RAB10: variants seen among roughly 807,000 people sequenced by gnomAD.
RAB10 encodes the protein RAB10, member RAS oncogene family.
A neutral mutation model predicts 25.7 loss-of-function variants in RAB10; 5 were observed. That is an observed-to-expected ratio of 0.19 (90% CI 0.10 to 0.41). RAB10 has a LOEUF of 0.41. RAB10 is among the 10% of genes least tolerant of loss of function. The pLI is 1.00. For synonymous variants in RAB10, 89 were observed against 86.4 expected, an observed-to-expected ratio of 1.03 and a Z score of -0.16; for missense variants, 103 against 245.8, an observed-to-expected ratio of 0.42 and a Z score of 3.89.
At chr2:26,106,285 A>G (rs1325793397) in intron 2 of RAB10, among the ~76,000 whole-genome samples, 3 of 152,214 alleles carry the variant, frequency 2.0e-5, no homozygotes, top group African/African-American at 4.8e-5. Flanking sequence ...AGCTAAAACA[A>G]TTTGACAAAG....
chr2:26,132,169 C>T (rs972648988), intron 5 of RAB10, among the ~76,000 whole-genome samples: 1 of 152,228 alleles, frequency 6.6e-6, no homozygotes, highest in African/African-American at 2.4e-5. Flanking sequence ...AGTGGATTTA[C>T]AAGACTCAGA....
At chr2:26,038,199 G>GT (rs35621018) in intron 1 of RAB10, among the ~76,000 whole-genome samples, 3,455 of 127,560 alleles carry the variant, frequency 0.027, 71 homozygotes, top group African/African-American at 0.061. Context: ...TTGTTTGTTT[G>GT]TTTTTTTTTT....
intron 1 of RAB10, among the ~76,000 whole-genome samples, chr2:26,070,345 A>G (rs1666598460): frequency 6.6e-6 from 1 of 152,256 alleles, no homozygotes; most frequent in Non-Finnish European, 1.5e-5. Context: ...GTGAAGTAGT[A>G]TTAAATCTGG....
intron 1 of RAB10, among the ~76,000 whole-genome samples, chr2:26,048,056 T>A (rs913620121): frequency 2.0e-5 from 3 of 150,850 alleles, no homozygotes; most frequent in East Asian, 1.9e-4. Context: ...TTTTTTTTTT[T>A]AAATTGTTGA....
At chr2:26,129,155 A>G (rs1293602755) in intron 5 of RAB10, among the ~76,000 whole-genome samples, 1 of 151,806 alleles carries the variant, frequency 6.6e-6, no homozygotes, top group Non-Finnish European at 1.5e-5. Flanking sequence ...CTGTAATCCC[A>G]GCTTCTTGGG....
rs1665967984 is a variant in RAB10, at chr2:26,045,016, A to G, written c.127+10281A>G. ...TTTTGTTTTTTTTTTTTGGAGGGGCACGAATAGGTAAGTAACAAGTCTTAG... is the reference window on the plus strand; with the variant it reads ...TTTTGTTTTTTTTTTTTGGAGGGGCGCGAATAGGTAAGTAACAAGTCTTAG... On this transcript the variant is annotated intron_variant, in intron 1 of 5. Transcript: ENST00000264710. Among the ~76,000 whole-genome samples the G allele has an allele frequency of 1.2e-4, 18 of 150,902 alleles. 1 individual carries two copies. In the South Asian group the frequency reaches 3.8e-3, roughly 32 times the overall value.
chr2:26,078,911 C>T (rs1319147588), intron 1 of RAB10, among the ~76,000 whole-genome samples: 1 of 152,086 alleles, frequency 6.6e-6, no homozygotes, highest in East Asian at 1.9e-4. Flanking sequence ...TTGACTTGGC[C>T]AGGTGTGGTG....
At chr2:26,100,560 G>C (rs1667320916) in intron 2 of RAB10, among the ~76,000 whole-genome samples, 1 of 152,208 alleles carries the variant, frequency 6.6e-6, no homozygotes, top group African/African-American at 2.4e-5. Context: ...TGGGGAAGCT[G>C]TGTACTCTGG....
chr2:26,099,581 C>T (rs1477811124), intron 2 of RAB10, among the ~76,000 whole-genome samples: 1 of 120,850 alleles, frequency 8.3e-6, no homozygotes, highest in Admixed American at 1.2e-4. Flanking sequence ...CGCTCTGTCG[C>T]CCATGCTGGA....
intron 1 of RAB10, among the ~76,000 whole-genome samples, chr2:26,092,410 T>C (rs747185790): frequency 5.3e-5 from 8 of 151,824 alleles, no homozygotes; most frequent in Middle Eastern, 3.4e-3. Flanking sequence ...ACAGCACATA[T>C]AGGTAACTTC....
chr2:26,132,795 A>T (rs1668036611), intron 5 of RAB10, among the ~76,000 whole-genome samples: 1 of 121,892 alleles, frequency 8.2e-6, no homozygotes. Context: ...TGTTTCAAGG[A>T]TCTAAGTTAA....
intron 1 of RAB10, among the ~76,000 whole-genome samples, chr2:26,053,799 A>C (rs946632523): frequency 1.3e-5 from 2 of 151,994 alleles, no homozygotes; most frequent in Non-Finnish European, 2.9e-5. Context: ...GGCTCACTGC[A>C]ACTTCTGCCT....
At chr2:26,118,595 T>G (rs1667740622) in intron 3 of RAB10, among the ~76,000 whole-genome samples, 1 of 152,200 alleles carries the variant, frequency 6.6e-6, no homozygotes, top group Admixed American at 6.5e-5. Flanking sequence ...GTTGTTTCTA[T>G]TTAATGATAG....
intron 1 of RAB10, among the ~76,000 whole-genome samples, chr2:26,060,265 C>T (rs1666366319): frequency 6.6e-6 from 1 of 152,142 alleles, no homozygotes. Flanking sequence ...TTTGTTCTCA[C>T]AGTAGTTCTT....
At chr2:26,047,726 T>TTG (rs1666045941) in intron 1 of RAB10, among the ~76,000 whole-genome samples, 1 of 138,088 alleles carries the variant, frequency 7.2e-6, no homozygotes, top group Non-Finnish European at 1.6e-5. Flanking sequence ...CTGGCCTGTT[T>TTG]TTTTTTTTTT....
Position 26,137,081 on chromosome 2 carries a change from A to T in RAB10, c.*2060A>T, listed in dbSNP as rs1168756286. The T allele has an allele frequency of 6.6e-6, 1 of 152,660 alleles. No individual in the cohort carries two copies. The highest frequency in any genetic ancestry group is 1.5e-5 in the Non-Finnish European group (1 of 68,036). 9.5% of individuals were successfully genotyped at this position (152,660 alleles called of 1,614,324 possible). On this transcript the variant is annotated 3_prime_UTR_variant, in exon 6 of 6. Transcript: ENST00000264710. ...CCATGACTTAAGGTTGGAGAGCTAA[A>T]CACTGGGATTTTTGGATAACAGACT...
chr2:26,079,781 T>C (rs1313647718), intron 1 of RAB10, among the ~76,000 whole-genome samples: 1 of 152,104 alleles, frequency 6.6e-6, no homozygotes, highest in East Asian at 1.9e-4. Context: ...TCCTCTTGCC[T>C]TAGCCTCCCT....
intron 1 of RAB10, among the ~76,000 whole-genome samples, chr2:26,094,125 G>A (rs1667161447): frequency 6.6e-6 from 1 of 151,998 alleles, no homozygotes; most frequent in African/African-American, 2.4e-5. Context: ...CTGGACTCAA[G>A]CAGTCCTCTT....
rs1668116253 is a variant in RAB10 at position 26,136,477 on chromosome 2, A to G, written c.*1456A>G. ...GAAAAAGGACAACGAAAGGCTTTTC[A>G]TGTAAAGATAAGATCTTTAGCTATC... On this transcript the variant is annotated 3_prime_UTR_variant, in exon 6 of 6. Coordinates refer to ENST00000264710, the MANE Select transcript of RAB10 (RefSeq NM_016131.5). 1.3e-5 allele frequency: 2 copies of G among 152,638 alleles called. No individual in the cohort carries two copies. The highest frequency in any genetic ancestry group is 4.8e-5 in the African/African-American group (2 of 41,464). 9.5% of individuals were successfully genotyped at this position (152,638 alleles called of 1,614,324 possible). A position where few individuals can be genotyped will look rare whatever the true frequency, so the allele number is the denominator to read the frequency against.
Sources: allele counts gnomAD v4.1 joint callset (sites outside exome capture counted in the v4.1 genomes callset), GRCh38; gene constraint gnomAD v4.1.1; transcripts MANE v1.5; gene names NCBI Gene and HGNC (gene_info 2026-07-23, HGNC 2026-07-21).